The following BMF variants were observed in gnomAD, a reference collection of about 807,000 sequenced individuals.
BMF encodes the protein Bcl2 modifying factor.
A neutral mutation model predicts 22.0 loss-of-function variants in BMF; 10 were observed. The observed-to-expected ratio is 0.45, with a 90% CI of 0.28 to 0.77. The LOEUF (loss-of-function observed/expected upper bound fraction) is 0.77. BMF is among the 30% of genes least tolerant of loss of function. The pLI, the probability that BMF is intolerant of heterozygous loss-of-function variation, is 0.13. For synonymous variants in BMF, 87 were observed against 88.1 expected (o/e 0.99, Z 0.07); for missense variants, 206 against 226.8 (o/e 0.91, Z 0.59).
At position 40,091,017 on chromosome 15, in the gene BMF, G is replaced by A. The variant is rs148093475; in HGVS notation, c.*770C>T. 1,098 of 152,762 alleles carry A rather than the reference G, an allele frequency of 7.2e-3. 10 individuals carry two copies. The highest frequency in any genetic ancestry group is 0.01 in the Non-Finnish European group (689 of 68,066). The allele number at this position is 152,762 out of a possible 1,614,324, so 9.5% of individuals were successfully genotyped here. A position where few individuals can be genotyped will look rare whatever the true frequency, so the allele number is the denominator to read the frequency against. ...GCTGACACCCAGCTGGTCCCAGGCC[G>A]CCAGTGGTGGCAGTGGCTCTGTACC... On this transcript the variant is annotated 3_prime_UTR_variant, in exon 5 of 5. Coordinates refer to ENST00000354670, the MANE Select transcript of BMF (RefSeq NM_001003940.2).
chr15:40,093,278 C>CT (rs2036283553), intron 4 of BMF, among the ~76,000 whole-genome samples: 1 of 140,530 alleles, frequency 7.1e-6, no homozygotes, highest in South Asian at 2.5e-4. Context: ...CACGGAATGC[C>CT]CCCGTCCATC....
chr15:40,106,382 C>CT lies in BMF; in HGVS notation c.-5-292dup. 3.1e-6 allele frequency: 1 copy of CT among 325,086 alleles called. No individual in the cohort carries two copies. 20.1% of individuals were successfully genotyped at this position (325,086 alleles called of 1,614,324 possible). A position where few individuals can be genotyped will look rare whatever the true frequency, so the allele number is the denominator to read the frequency against. On this transcript the variant is annotated intron_variant, in intron 2 of 4. Transcript: ENST00000354670. This position sits in a 1 kb window ranked among gnomAD's most constrained non-coding sequence, Gnocchi z 4.1. ...CCTAGGCCGGTCACAAAGTTTGACT[C>CT]TGAGGGTTGTGAGCAATAGCAGGAG... is the stretch of plus-strand genomic sequence containing the variant.
intron 3 of BMF, 38 bp from the exon 4 acceptor site, chr15:40,104,378 C>T: frequency 4.4e-6 from 7 of 1,608,466 alleles, no homozygotes; most frequent in Non-Finnish European, 5.9e-6. Flanking sequence ...GCATTCTCCA[C>T]AACTGCTCCA....
chr15:40,100,702 G>A lies in BMF; in HGVS notation c.453+3478C>T, dbSNP rs534419771. ...ACCTAGCAAGGCTCTTGGGAAATGC[G>A]CTGAAAGTGCAGATGGCCCACGTAA... On this transcript the variant is annotated intron_variant, in intron 4 of 4. Coordinates refer to ENST00000354670, the MANE Select transcript of BMF (RefSeq NM_001003940.2). 4.6e-5 allele frequency among the ~76,000 whole-genome samples: 7 copies of A among 152,318 alleles called. No homozygotes were observed. In the East Asian group the frequency reaches 7.7e-4, roughly 17 times the overall value.
intron 4 of BMF, among the ~76,000 whole-genome samples, chr15:40,093,084 C>T (rs565660655): frequency 1.3e-5 from 2 of 152,334 alleles, no homozygotes; most frequent in South Asian, 2.1e-4. Flanking sequence ...AAGCCAGCGG[C>T]ACAGCTGGAA....
intron 4 of BMF, among the ~76,000 whole-genome samples, chr15:40,100,470 C>G (rs564627385): frequency 3.3e-5 from 5 of 152,210 alleles, no homozygotes; most frequent in Admixed American, 6.5e-5. Context: ...CACTCCTGCC[C>G]CGGCCAAAGG....
At chr15:40,094,981 C>A (rs374679609) in intron 4 of BMF, among the ~76,000 whole-genome samples, 6 of 152,224 alleles carry the variant, frequency 3.9e-5, no homozygotes, top group Non-Finnish European at 8.8e-5. Flanking sequence ...TCTGTGGCAG[C>A]CAGGCCACAG....
chr15:40,107,295 G>A (rs762441564), intron 2 of BMF, among the ~76,000 whole-genome samples: 1 of 152,210 alleles, frequency 6.6e-6, no homozygotes, highest in South Asian at 2.1e-4. Context: ...TGCCTTTGAA[G>A]AACAAGCCAA....
Position 40,091,385 on chromosome 15 carries a change from T to G in BMF, c.*402A>C, listed in dbSNP as rs2036227153. The G allele has an allele frequency of 6.2e-6, 1 of 161,644 alleles. No homozygotes were observed. 10.0% of individuals were successfully genotyped at this position (161,644 alleles called of 1,614,324 possible). On this transcript the variant is annotated 3_prime_UTR_variant, in exon 5 of 5. Transcript: ENST00000354670. ...GGAAGGCTCATAGGTTTGGTGGAAC[T>G]GGGAGTCTAATCCACTCTCGATTTC...
At position 40,089,745 on chromosome 15, in the gene BMF, G is replaced by A. The variant is rs1425923004; in HGVS notation, c.*2042C>T. On this transcript the variant is annotated 3_prime_UTR_variant, in exon 5 of 5. Transcript: ENST00000354670. ...TGTGCCACTGAAGCATACGGCAGCA[G>A]GCTGCCTGTCACCACCTTGATCCAG... 1 of 152,282 alleles carries A rather than the reference G, an allele frequency of 6.6e-6. No homozygotes were observed. The highest frequency in any genetic ancestry group is 1.5e-5 in the Non-Finnish European group (1 of 68,060). 9.4% of individuals were successfully genotyped at this position (152,282 alleles called of 1,614,324 possible). A position where few individuals can be genotyped will look rare whatever the true frequency, so the allele number is the denominator to read the frequency against.
chr15:40,105,663 G>A lies in BMF; in HGVS notation c.292+132C>T, dbSNP rs528432488. On this transcript the variant is annotated intron_variant, in intron 3 of 4. Coordinates refer to ENST00000354670, the MANE Select transcript of BMF (RefSeq NM_001003940.2). Reference sequence around the variant, plus strand: ...AATAACAAGCCGAGAGGCAGCAGGTGGAAGTCAAGGAATCAACAGCCCCGC... The same window carrying A: ...AATAACAAGCCGAGAGGCAGCAGGTAGAAGTCAAGGAATCAACAGCCCCGC... 3.7e-5 allele frequency: 41 copies of A among 1,123,186 alleles called. 2 individuals carry two copies. In the South Asian group the frequency reaches 5.8e-4, roughly 16 times the overall value. The allele number at this position is 1,123,186 out of a possible 1,614,324, so 69.6% of individuals were successfully genotyped here.
chr15:40,092,527 C>A (rs1177630906), intron 4 of BMF, among the ~76,000 whole-genome samples: 1 of 152,208 alleles, frequency 6.6e-6, no homozygotes, highest in Non-Finnish European at 1.5e-5. Context: ...CTCGGTGCTG[C>A]CCTTTTTATA....
rs1327583050 is a variant in BMF at position 40,089,153 on chromosome 15, C to T, written c.*2634G>A. The T allele has an allele frequency of 9.8e-5, 15 of 152,470 alleles. No homozygotes were observed. The allele number at this position is 152,470 out of a possible 1,614,324, so 9.4% of individuals were successfully genotyped here. A position where few individuals can be genotyped will look rare whatever the true frequency, so the allele number is the denominator to read the frequency against. ...CTCCCTCTAAATCTGATTCTCCACC[C>T]CTCGCTAGAGACAGCCAGGCTCCTG... is the stretch of plus-strand genomic sequence containing the variant. On this transcript the variant is annotated 3_prime_UTR_variant, in exon 5 of 5. Transcript: ENST00000354670.
chr15:40,098,946 G>A (rs954083956), intron 4 of BMF, among the ~76,000 whole-genome samples: 11 of 152,158 alleles, frequency 7.2e-5, no homozygotes, highest in African/African-American at 2.7e-4. Flanking sequence ...GATATAAACA[G>A]AGCCAGCCAC....
rs140876953 is a variant in BMF, at chr15:40,108,219, AACACACACACACACACACAC to A, written c.-6+20_-6+39del. 6.9e-6 allele frequency: 1 copy of A among 145,034 alleles called. No homozygotes were observed. The highest frequency in any genetic ancestry group is 1.5e-5 in the Non-Finnish European group (1 of 65,958). The allele number at this position is 145,034 out of a possible 1,614,324, so 9.0% of individuals were successfully genotyped here. A position where few individuals can be genotyped will look rare whatever the true frequency, so the allele number is the denominator to read the frequency against. On this transcript the variant is annotated intron_variant, in intron 2 of 4. Transcript: ENST00000354670. The stretch of plus-strand genomic sequence containing the variant: ...ACCCAGATCCTCGACAGTGACTAGG[AACACACACACACACACACAC>A]ACACACACACACCCCAGACCTGGGT...
chr15:40,108,064 AG>A, intron 2 of BMF, 194 bp downstream of exon 2: 1 of 152,548 alleles, frequency 6.6e-6, no homozygotes, highest in Non-Finnish European at 1.5e-5. Flanking sequence ...TCCTGAGAAC[AG>A]GGCCAGGGAA....
At chr15:40,101,390 CAGTGAAGTCA>C (rs1364269547) in intron 4 of BMF, among the ~76,000 whole-genome samples, 1 of 152,178 alleles carries the variant, frequency 6.6e-6, no homozygotes, top group Non-Finnish European at 1.5e-5. Context: ...GAAATAGGCT[CAGTGAAGTCA>C]AGTGACTTCC....
At chr15:40,093,183 T>C (rs745681542) in intron 4 of BMF, among the ~76,000 whole-genome samples, 37 of 152,192 alleles carry the variant, frequency 2.4e-4, no homozygotes, top group Non-Finnish European at 4.6e-4. Flanking sequence ...CCATGCAGGT[T>C]GCTGGCTTCC....
intron 4 of BMF, 151 bp downstream of exon 4, chr15:40,104,029 C>A: frequency 9.9e-7 from 1 of 1,006,624 alleles, no homozygotes; most frequent in Middle Eastern, 2.9e-4. Flanking sequence ...AGTTAGGCCC[C>A]TCCTGCCCAT....
Sources: gnomAD v4.1 joint callset for allele counts (sites outside exome capture counted in the v4.1 genomes callset) on GRCh38, gnomAD v4.1.1 for gene constraint, Gnocchi (gnomAD v3.1) non-coding constraint, MANE v1.5 for transcripts, NCBI Gene and HGNC (gene_info 2026-07-23, HGNC 2026-07-21) for gene names.